The following SPSB4 variants were observed in gnomAD, a reference collection of about 807,000 sequenced individuals.
SPSB4 encodes the protein SPRY domain-containing SOCS box protein 4.
A neutral mutation model predicts 20.9 loss-of-function variants in SPSB4; 21 were observed. The observed-to-expected ratio is 1.01, with a 90% CI of 0.71 to 1.45. SPSB4 has a LOEUF of 1.45. Among genes scored for constraint, SPSB4 ranks in the 40% most tolerant of loss-of-function variants. SPSB4 has a pLI of 0.00. For missense variants in SPSB4, 399 were observed against 399.2 expected (o/e 1.00, Z 0.00); for synonymous variants, 207 against 183.8 (o/e 1.13, Z -1.02).
chr3:141,102,290 C>T (rs1276640739), intron 2 of SPSB4, among the ~76,000 whole-genome samples: 1 of 152,022 alleles, frequency 6.6e-6, no homozygotes, highest in Non-Finnish European at 1.5e-5. Context: ...GATAAGGCAG[C>T]GAACAGGCAG....
chr3:141,095,755 G>C (rs1938537869), intron 2 of SPSB4, among the ~76,000 whole-genome samples: 1 of 152,134 alleles, frequency 6.6e-6, no homozygotes, highest in South Asian at 2.1e-4. Flanking sequence ...TGGCACTGTG[G>C]GCAGAGGTAC....
intron 1 of SPSB4, among the ~76,000 whole-genome samples, chr3:141,057,293 C>G (rs574366430): frequency 6.6e-6 from 1 of 152,300 alleles, no homozygotes; most frequent in South Asian, 2.1e-4. Flanking sequence ...AAACAGCCTC[C>G]CTACTTAATA....
chr3:141,093,748 A>G (rs1360466637), intron 2 of SPSB4, among the ~76,000 whole-genome samples: 6 of 152,238 alleles, frequency 3.9e-5, no homozygotes, highest in Non-Finnish European at 8.8e-5. Flanking sequence ...CAACCTCTGC[A>G]GCAGGCTCAG....
intron 2 of SPSB4, among the ~76,000 whole-genome samples, chr3:141,110,539 C>T (rs1372460395): frequency 6.6e-6 from 1 of 152,242 alleles, no homozygotes; most frequent in Non-Finnish European, 1.5e-5. Context: ...AATCCCCAAA[C>T]CTCACTGACT....
rs368295872 is a variant in SPSB4 at position 141,102,663 on chromosome 3, A to C, written c.694+35865A>C. ...GGAGCATGGCAGGAAAAAAAGCTGG[A>C]GAGGCAGGCAGGGTCTCACAGAGGA... On this transcript the variant is annotated intron_variant, in intron 2 of 2. Coordinates refer to ENST00000310546, the MANE Select transcript of SPSB4 (RefSeq NM_080862.3). 3.9e-5 allele frequency among the ~76,000 whole-genome samples: 6 copies of C among 152,198 alleles called. No individual in the cohort carries two copies. The East Asian group carries it at 1.2e-3, about 29-fold the overall frequency.
chr3:141,116,428 C>T lies in SPSB4; in HGVS notation c.695-30714C>T, dbSNP rs535166396. ...ATGGAGCAGGGCTGAGGGTCAGGGC[C>T]ATGGGGCCCTTGGGACTCAGGAACA... On this transcript the variant is annotated intron_variant, in intron 2 of 2. Coordinates refer to ENST00000310546, the MANE Select transcript of SPSB4 (RefSeq NM_080862.3). 6.6e-5 allele frequency among the ~76,000 whole-genome samples: 10 copies of T among 152,352 alleles called. 1 individual carries two copies. The highest frequency in any genetic ancestry group is 2.4e-4 in the African/African-American group (10 of 41,588).
intron 2 of SPSB4, among the ~76,000 whole-genome samples, chr3:141,127,165 T>C (rs1939062341): frequency 6.6e-6 from 1 of 152,200 alleles, no homozygotes; most frequent in South Asian, 2.1e-4. Context: ...TGAACACCCA[T>C]GTGGCTCAGC....
chr3:141,122,037 C>A (rs1042633036), intron 2 of SPSB4, among the ~76,000 whole-genome samples: 14 of 152,140 alleles, frequency 9.2e-5, no homozygotes, highest in Non-Finnish European at 2.9e-5. Flanking sequence ...CTGGTTTCTC[C>A]CCCTCTTTGT....
At chr3:141,068,250 C>T (rs140065045) in intron 2 of SPSB4, among the ~76,000 whole-genome samples, 4 of 152,278 alleles carry the variant, frequency 2.6e-5, no homozygotes, top group African/African-American at 9.6e-5. Flanking sequence ...GTGGTTGTTG[C>T]CTACAATTGC....
intron 2 of SPSB4, among the ~76,000 whole-genome samples, chr3:141,071,253 A>G (rs181831189): frequency 6.6e-6 from 1 of 152,244 alleles, no homozygotes; most frequent in East Asian, 1.9e-4. Flanking sequence ...GTGGCTCCCC[A>G]GCTCCTCTCT....
intron 2 of SPSB4, among the ~76,000 whole-genome samples, chr3:141,072,220 C>G (rs1244888496): frequency 6.6e-6 from 1 of 152,250 alleles, no homozygotes; most frequent in Non-Finnish European, 1.5e-5. Flanking sequence ...ACCCATAGGC[C>G]TTCTTTCCCC....
At chr3:141,083,134 G>T (rs375548843) in intron 2 of SPSB4, among the ~76,000 whole-genome samples, 77 of 152,294 alleles carry the variant, frequency 5.1e-4, no homozygotes, top group African/African-American at 1.8e-3. Flanking sequence ...CTTAGATTTG[G>T]GTTTAAGGCC....
intron 1 of SPSB4, among the ~76,000 whole-genome samples, chr3:141,055,876 A>G (rs537785529): frequency 6.6e-6 from 1 of 152,310 alleles, no homozygotes; most frequent in East Asian, 1.9e-4. Flanking sequence ...CATTTGAAAC[A>G]ACACCCAGGC....
At chr3:141,107,078 T>G (rs1001732641) in intron 2 of SPSB4, among the ~76,000 whole-genome samples, 8 of 152,214 alleles carry the variant, frequency 5.3e-5, no homozygotes, top group African/African-American at 1.7e-4. Context: ...TCAGTCACAG[T>G]GGCCACTGGA....
intron 2 of SPSB4, among the ~76,000 whole-genome samples, chr3:141,079,201 T>C (rs6798242): frequency 0.14 from 21,694 of 150,404 alleles, 4,838 homozygotes; most frequent in African/African-American, 0.48. Flanking sequence ...GTGGAGGTTG[T>C]AGTGAGCTGA....
At chr3:141,055,076 C>T (rs1043884231) in intron 1 of SPSB4, among the ~76,000 whole-genome samples, 28 of 152,102 alleles carry the variant, frequency 1.8e-4, no homozygotes, top group African/African-American at 5.1e-4. Flanking sequence ...AGGCTGTGTA[C>T]GAGTATTGGA....
intron 2 of SPSB4, among the ~76,000 whole-genome samples, chr3:141,078,121 G>A (rs890702253): frequency 4.6e-5 from 7 of 152,214 alleles, no homozygotes; most frequent in African/African-American, 1.4e-4. Context: ...CTTCTCCTCA[G>A]GTGCAGGCAG....
chr3:141,095,026 A>G (rs1020444509), intron 2 of SPSB4, among the ~76,000 whole-genome samples: 4 of 152,066 alleles, frequency 2.6e-5, no homozygotes, highest in African/African-American at 9.7e-5. Flanking sequence ...ATTGTATCAT[A>G]TGAGAGAAAA....
chr3:141,146,551 C>T (rs1320887072), intron 2 of SPSB4, among the ~76,000 whole-genome samples: 11 of 152,052 alleles, frequency 7.2e-5, no homozygotes, highest in Admixed American at 2.0e-4. Flanking sequence ...CCGAGAAGGG[C>T]GATCACGAGG....
Sources: gnomAD v4.1 joint callset for allele counts (sites outside exome capture counted in the v4.1 genomes callset) on GRCh38, gnomAD v4.1.1 for gene constraint, MANE v1.5 for transcripts, NCBI Gene and HGNC (gene_info 2026-07-23, HGNC 2026-07-21) for gene names.